The following ADAMTS17 variants were observed in gnomAD, a reference collection of about 807,000 sequenced individuals.
ADAMTS17 encodes the protein ADAM metallopeptidase with thrombospondin type 1 motif 17, also known as A disintegrin and metalloproteinase with thrombospondin motifs 17.
Under a neutral mutation model 141.5 loss-of-function variants are expected in ADAMTS17, and 113 were observed. The observed-to-expected ratio is 0.80, with a 90% CI of 0.69 to 0.93. ADAMTS17 has a LOEUF of 0.93. Ranked by LOEUF, ADAMTS17 falls within the 40% of genes least tolerant of loss-of-function variation. The pLI, the probability that ADAMTS17 is intolerant of heterozygous loss-of-function variation, is 0.00. For synonymous variants in ADAMTS17, 768 were observed against 630.6 expected (o/e 1.22, Z -3.27); for missense variants, 1,659 against 1,517.9 (o/e 1.09, Z -1.54).
intron 7 of ADAMTS17, among the ~76,000 whole-genome samples, chr15:100,200,586 C>A (rs1465840706): frequency 1.3e-5 from 2 of 152,198 alleles, no homozygotes; most frequent in Non-Finnish European, 2.9e-5. Context: ...CTCGATATGC[C>A]CCTGTGTGAC....
At chr15:100,214,932 C>A (rs565981873) in intron 7 of ADAMTS17, among the ~76,000 whole-genome samples, 11 of 152,358 alleles carry the variant, frequency 7.2e-5, no homozygotes, top group African/African-American at 2.6e-4. Flanking sequence ...CCTGCAGAGA[C>A]AACTCTCTTT....
Position 100,331,054 on chromosome 15 carries a change from C to A in ADAMTS17, c.451G>T (p.Val151Phe). The A allele has an allele frequency of 6.2e-7, 1 of 1,614,138 alleles. No homozygotes were observed. The highest frequency in any genetic ancestry group is 1.1e-5 in the South Asian group (1 of 91,082). ...TCCTGCCCAAGCTGAATGAGGCCAA[C>A]CTGTCCAGAAAGGAGAAGGAAACGC... ...LSACGAAGGL[V>F]GLIQLGQEQV... The change falls in exon 3 of 22, where the codon GTT (valine) becomes TTT (phenylalanine). Residue 151 changes from valine (V) to phenylalanine (F), a missense_variant and splice_region_variant. Coordinates refer to ENST00000268070, the MANE Select transcript of ADAMTS17 (RefSeq NM_139057.4).
At chr15:100,132,810 C>A (rs1567228817) in intron 11 of ADAMTS17, among the ~76,000 whole-genome samples, 1 of 152,204 alleles carries the variant, frequency 6.6e-6, no homozygotes, top group Non-Finnish European at 1.5e-5. Context: ...ATCTCTCCTG[C>A]ACATGAGGAA....
rs2060320542 is a variant in ADAMTS17 at position 99,976,119 on chromosome 15, G to C, written c.3053C>G (p.Ala1018Gly). The C allele has an allele frequency of 1.9e-6, 3 of 1,551,288 alleles. No homozygotes were observed. The highest frequency in any genetic ancestry group is 2.4e-5 in the South Asian group (2 of 84,042). Residue 1018 changes from alanine (A) to glycine (G), a missense_variant, in exon 21 of 22, where the codon GCC becomes GGC. Ala to Gly is a moderately conservative substitution (Grantham distance 60). Coordinates refer to ENST00000268070, the MANE Select transcript of ADAMTS17 (RefSeq NM_139057.4). Reference protein sequence around the residue: ...GSECPALSKPAPYRQCYQEVC... With the variant: ...GSECPALSKPGPYRQCYQEVC... ...CTCCTGGTAGCACTGTCTGTAGGGG[G>C]CAGGCTTCGAGAGGGCGGGGCACTC...
chr15:100,121,976 C>T (rs572782016), intron 12 of ADAMTS17, among the ~76,000 whole-genome samples: 218 of 152,248 alleles, frequency 1.4e-3, no homozygotes, highest in African/African-American at 5.0e-3. Context: ...AGAGTTCCAC[C>T]AGTACAGAAC....
intron 7 of ADAMTS17, among the ~76,000 whole-genome samples, chr15:100,220,808 G>A (rs573639340): frequency 3.9e-5 from 6 of 152,228 alleles, no homozygotes; most frequent in South Asian, 4.1e-4. Context: ...TTAGCATAAC[G>A]TTGTCAAGGG....
chr15:100,113,052 C>T (rs2141123842), intron 13 of ADAMTS17, among the ~76,000 whole-genome samples: 1 of 152,278 alleles, frequency 6.6e-6, no homozygotes, highest in Admixed American at 6.5e-5. Flanking sequence ...GGGACACATG[C>T]TGACGAGGCT....
chr15:100,190,319 CCTCT>C (rs2040871097), intron 8 of ADAMTS17, among the ~76,000 whole-genome samples: 1 of 152,208 alleles, frequency 6.6e-6, no homozygotes, highest in Non-Finnish European at 1.5e-5. Context: ...TTCTGCTGGC[CCTCT>C]CTGTCTGCCA....
chr15:100,110,004 T>G (rs1356884623), intron 13 of ADAMTS17, among the ~76,000 whole-genome samples: 1 of 152,042 alleles, frequency 6.6e-6, no homozygotes, highest in Non-Finnish European at 1.5e-5. Context: ...AGGGATTTAT[T>G]ATAAGGCAGG....
chr15:100,134,426 C>G (rs2038219983), intron 10 of ADAMTS17, among the ~76,000 whole-genome samples: 1 of 152,178 alleles, frequency 6.6e-6, no homozygotes, highest in Admixed American at 6.5e-5. Context: ...GGATGACAAA[C>G]CCAATCATGG....
At chr15:100,130,278 C>T (rs1434723893) in intron 12 of ADAMTS17, among the ~76,000 whole-genome samples, 3 of 151,514 alleles carry the variant, frequency 2.0e-5, no homozygotes, top group Non-Finnish European at 2.9e-5. Flanking sequence ...GCAGGAGAAT[C>T]ACTTGAAGCA....
intron 18 of ADAMTS17, among the ~76,000 whole-genome samples, chr15:100,008,655 G>A (rs928734293): frequency 2.0e-5 from 3 of 152,182 alleles, no homozygotes; most frequent in African/African-American, 7.2e-5. Context: ...GAGTGATCTC[G>A]TCCCTTCCTG....
Position 100,289,529 on chromosome 15 carries a change from CATACACACAT to C in ADAMTS17, c.617-8138_617-8129del, listed in dbSNP as rs1161309634. Among the ~76,000 whole-genome samples the C allele has an allele frequency of 2.5e-4, 35 of 139,740 alleles. No homozygotes were observed. In the East Asian group the frequency reaches 3.5e-3, roughly 14 times the overall value. 91.7% of individuals were successfully genotyped at this position (139,740 alleles called of 152,430 possible). A position where few individuals can be genotyped will look rare whatever the true frequency, so the allele number is the denominator to read the frequency against. ...GATGCCAAAACCTTGCAGACACACA[CATACACACAT>C]ACACACACTCACACACACACACACA... On this transcript the variant is annotated intron_variant, in intron 3 of 21. Coordinates refer to ENST00000268070, the MANE Select transcript of ADAMTS17 (RefSeq NM_139057.4).
At position 99,993,115 on chromosome 15, in the gene ADAMTS17, G is replaced by A. The variant is rs1567652287; in HGVS notation, c.2882C>T (p.Pro961Leu). The A allele has an allele frequency of 1.9e-6, 3 of 1,613,978 alleles. No individual in the cohort carries two copies. Among genetic ancestry groups the A allele is most frequent in the African/African-American group, 1.3e-5 (1 of 74,886 alleles). ...GTCCTCGCAGGCCTCCTCGGCTCTC[G>A]GCCTCGTGGATGCGTCGCATTTCCC... Reference protein sequence around the residue: ...SQGKCDASTRPRAEEACEDYS... With the variant: ...SQGKCDASTRLRAEEACEDYS... Residue 961 changes from proline to leucine, a missense_variant, in exon 20 of 22, where the codon CCG becomes CTG. Pro to Leu is a moderately conservative substitution (Grantham distance 98). Transcript: ENST00000268070. This position sits in a 1 kb window ranked among gnomAD's most constrained non-coding sequence, Gnocchi z 4.3.
At chr15:100,169,470 T>C (rs886795843) in intron 8 of ADAMTS17, among the ~76,000 whole-genome samples, 2 of 152,222 alleles carry the variant, frequency 1.3e-5, no homozygotes, top group African/African-American at 4.8e-5. Context: ...TCATTACATA[T>C]ATCATCTCAT....
At chr15:100,116,147 A>AAAAC (rs1555454304) in intron 13 of ADAMTS17, among the ~76,000 whole-genome samples, 2 of 146,580 alleles carry the variant, frequency 1.4e-5, no homozygotes, top group African/African-American at 5.1e-5. Context: ...AAAAAAAAAA[A>AAAAC]AAAAAAAAAA....
chr15:99,996,398 G>A (rs181397811), intron 19 of ADAMTS17, among the ~76,000 whole-genome samples: 22 of 151,634 alleles, frequency 1.5e-4, no homozygotes, highest in Non-Finnish European at 2.9e-4. Context: ...TCCAGCAAGG[G>A]GCCAAAAAAA....
Position 100,089,942 on chromosome 15 carries a change from C to G in ADAMTS17, c.2137+6414G>C, listed in dbSNP as rs950286956. ...GCACTTGTATACATATGTAACAAAC[C>G]TGCCTGTTGTGCACATGTACCCTAG... On this transcript the variant is annotated intron_variant, in intron 15 of 21. Coordinates refer to ENST00000268070, the MANE Select transcript of ADAMTS17 (RefSeq NM_139057.4). Among the ~76,000 whole-genome samples, 11 of 150,776 alleles carry G rather than the reference C, an allele frequency of 7.3e-5. No homozygotes were observed. In the South Asian group the frequency reaches 2.1e-3, roughly 29 times the overall value.
chr15:100,135,975 G>A (rs1358538274), intron 10 of ADAMTS17, among the ~76,000 whole-genome samples: 1 of 152,214 alleles, frequency 6.6e-6, no homozygotes, highest in Non-Finnish European at 1.5e-5. Flanking sequence ...TGGATGCTGA[G>A]AATGAGATTT....
Sources: allele counts gnomAD v4.1 joint callset (sites outside exome capture counted in the v4.1 genomes callset), GRCh38; gene constraint gnomAD v4.1.1; non-coding constraint Gnocchi (gnomAD v3.1); transcripts MANE v1.5; gene names NCBI Gene and HGNC (gene_info 2026-07-23, HGNC 2026-07-21).